Variants in YTHDF3 observed in about 807,000 individuals in gnomAD.
YTHDF3 encodes the protein YTH N6-methyladenosine RNA binding protein F3.
A neutral mutation model predicts 52.5 loss-of-function variants in YTHDF3; 9 were observed. That is an observed-to-expected ratio of 0.17 (90% CI 0.10 to 0.30). The LOEUF is 0.30. Among genes scored for constraint, YTHDF3 ranks in the 10% least tolerant of loss-of-function variants. The probability of loss-of-function intolerance (pLI) is 1.00; values close to 1 mark genes in which losing one functional copy is unlikely to be tolerated. For synonymous variants in YTHDF3, 274 were observed against 243.3 expected (o/e 1.13, Z -1.18); for missense variants, 534 against 715.0 (o/e 0.75, Z 2.89).
intron 2 of YTHDF3, among the ~76,000 whole-genome samples, chr8:63,171,352 C>T (rs767855069): frequency 6.6e-6 from 1 of 152,196 alleles, no homozygotes; most frequent in African/African-American, 2.4e-5. Flanking sequence ...CAGTAGTTCA[C>T]TGCTCTAGTA....
At chr8:63,190,478 C>T (rs945834343) in intron 4 of YTHDF3, among the ~76,000 whole-genome samples, 3 of 151,978 alleles carry the variant, frequency 2.0e-5, no homozygotes, top group African/African-American at 7.3e-5. Context: ...TAATATTACC[C>T]TTATATTGTT....
rs1191119358 is a variant in YTHDF3 at position 63,179,792 on chromosome 8, C to T, written c.135+4376C>T. Among the ~76,000 whole-genome samples, 7 of 152,026 alleles carry T rather than the reference C, an allele frequency of 4.6e-5. No homozygotes were observed. The East Asian group carries it at 7.8e-4, about 17-fold the overall frequency. ...GGGGCTCCTCACTTCCCAGTAGGGG[C>T]GGCCGGGCAGAGGTGCCCCTCACCT... is the stretch of plus-strand genomic sequence containing the variant. On this transcript the variant is annotated intron_variant, in intron 3 of 4. Coordinates refer to ENST00000539294, the MANE Select transcript of YTHDF3 (RefSeq NM_152758.6).
At chr8:63,182,298 T>G (rs1487305749) in intron 3 of YTHDF3, among the ~76,000 whole-genome samples, 1 of 149,158 alleles carries the variant, frequency 6.7e-6, no homozygotes, top group Non-Finnish European at 1.5e-5. Context: ...CTTGAACTCC[T>G]GGACTCAATT....
chr8:63,186,424 C>T lies in YTHDF3; in HGVS notation c.413C>T (p.Thr138Ile). 6.2e-7 allele frequency: 1 copy of T among 1,613,982 alleles called. No individual in the cohort carries two copies. Among genetic ancestry groups the T allele is most frequent in the Non-Finnish European group, 8.5e-7 (1 of 1,179,890 alleles). ...PGNADFSTWG[T>I]SGSQGQSTQS... ...AATGCTGATTTCTCTACATGGGGGA[C>T]AAGTGGATCTCAGGGACAATCAACA... The change falls in exon 4 of 5, where the codon ACA (threonine) becomes ATA (isoleucine). Residue 138 changes from threonine to isoleucine, a missense_variant. Thr to Ile is a moderately conservative substitution (Grantham distance 89, BLOSUM62 -1). Coordinates refer to ENST00000539294, the MANE Select transcript of YTHDF3 (RefSeq NM_152758.6).
chr8:63,186,967 C>T lies in YTHDF3; in HGVS notation c.956C>T (p.Pro319Leu). The change falls in exon 4 of 5, where the codon CCT becomes CTT. Residue 319 changes from proline to leucine, a missense_variant. Coordinates refer to ENST00000539294, the MANE Select transcript of YTHDF3 (RefSeq NM_152758.6). ...QPPPLVQSQL[P>L]QQQPQPPQPQ... is the part of the protein sequence containing the mutation. The stretch of plus-strand genomic sequence containing the variant: ...CCACCATTGGTGCAAAGCCAACTGC[C>T]TCAACAGCAGCCTCAACCACCACAA... The T allele has an allele frequency of 1.9e-6, 3 of 1,613,804 alleles. No homozygotes were observed. Among genetic ancestry groups the T allele is most frequent in the Non-Finnish European group, 2.5e-6 (3 of 1,179,806 alleles).
At chr8:63,204,551 G>A (rs1427020330) in intron 4 of YTHDF3, among the ~76,000 whole-genome samples, 1 of 151,924 alleles carries the variant, frequency 6.6e-6, no homozygotes, top group African/African-American at 2.4e-5. Flanking sequence ...TAGTAGAGAC[G>A]GGGTTTCTCC....
At chr8:63,169,019 C>G in intron 1 of YTHDF3, 118 bp downstream of exon 1, 1 of 1,469,140 alleles carries the variant, frequency 6.8e-7, no homozygotes, top group East Asian at 2.7e-5. Flanking sequence ...GTGCCCCGGG[C>G]GCAAGTTGCT....
intron 3 of YTHDF3, 84 bp from the exon 4 acceptor site, chr8:63,186,063 C>G (rs1299653706): frequency 7.4e-7 from 1 of 1,343,878 alleles, no homozygotes; most frequent in Non-Finnish European, 1.0e-6. Flanking sequence ...TTACTTAAAA[C>G]TTCTTGATTT....
At chr8:63,176,279 CTTAT>C (rs1173169375) in intron 3 of YTHDF3, among the ~76,000 whole-genome samples, 1 of 152,136 alleles carries the variant, frequency 6.6e-6, no homozygotes, top group East Asian at 1.9e-4. Context: ...TTCTGTAGTT[CTTAT>C]TTATTTATTT....
rs11556259 is a variant in YTHDF3 at position 63,211,126 on chromosome 8, C to A, written c.*1420C>A. On this transcript the variant is annotated 3_prime_UTR_variant, in exon 5 of 5. Coordinates refer to ENST00000539294, the MANE Select transcript of YTHDF3 (RefSeq NM_152758.6). ...CATTTACTGTGGTCTTTGGTCACTT[C>A]AGCTCAAAGACCTAGTGATGGATAT... The A allele has an allele frequency of 2.0e-5, 3 of 152,498 alleles. No individual in the cohort carries two copies. Among genetic ancestry groups the A allele is most frequent in the Non-Finnish European group, 4.4e-5 (3 of 67,966 alleles). 9.4% of individuals were successfully genotyped at this position (152,498 alleles called of 1,614,324 possible). A position where few individuals can be genotyped will look rare whatever the true frequency, so the allele number is the denominator to read the frequency against.
chr8:63,186,944 A>G lies in YTHDF3; in HGVS notation c.933A>G (p.Pro311=). The part of the protein sequence containing the change: ...IQQPQPLIQP[P]PLVQSQLPQQ... ...AGCCTCAGCCATTAATTCAACCACC[A>G]CCATTGGTGCAAAGCCAACTGCCTC... Residue 311 remains proline (P), a synonymous_variant, in exon 4 of 5, where the codon CCA becomes CCG. Transcript: ENST00000539294. 6.2e-7 allele frequency: 1 copy of G among 1,613,766 alleles called. No individual in the cohort carries two copies. Among genetic ancestry groups the G allele is most frequent in the Non-Finnish European group, 8.5e-7 (1 of 1,179,810 alleles).
intron 3 of YTHDF3, among the ~76,000 whole-genome samples, chr8:63,178,162 C>T (rs879366741): frequency 6.6e-6 from 1 of 152,118 alleles, no homozygotes; most frequent in Non-Finnish European, 1.5e-5. Context: ...AGATATTTTA[C>T]AATTCTTTAT....
chr8:63,188,173 G>T (rs1808652818), intron 4 of YTHDF3, among the ~76,000 whole-genome samples: 1 of 151,904 alleles, frequency 6.6e-6, no homozygotes, highest in South Asian at 2.1e-4. Context: ...GCCCAGGCTG[G>T]AGTGCAGTGG....
At chr8:63,205,454 G>T (rs1309378122) in intron 4 of YTHDF3, among the ~76,000 whole-genome samples, 2 of 140,962 alleles carry the variant, frequency 1.4e-5, no homozygotes, top group Non-Finnish European at 1.5e-5. Context: ...TTTTTTTTGA[G>T]ATGGGGTCTG....
Position 63,187,566 on chromosome 8 carries a change from A to G in YTHDF3, c.1555A>G (p.Ile519Val). The G allele has an allele frequency of 6.2e-7, 1 of 1,613,908 alleles. No individual in the cohort carries two copies. Among genetic ancestry groups the G allele is most frequent in the Non-Finnish European group, 8.5e-7 (1 of 1,179,826 alleles). ...KDVPNNQLRH[I>V]RLENNDNKPV... ...TGTTCCCAATAACCAATTACGGCAT[A>G]TTCGCTTAGAAAATAATGACAACAA... is the stretch of plus-strand genomic sequence containing the variant. Residue 519 changes from isoleucine to valine, a missense_variant, in exon 4 of 5, where the codon ATT becomes GTT. Physicochemically the swap from Ile to Val is conservative, Grantham distance 29. This residue lies in a region of YTHDF3 where 135 missense variants were observed against 214.2 expected (regional missense o/e 0.63). Transcript: ENST00000539294.
chr8:63,168,788 C>T lies in YTHDF3; in HGVS notation c.-90C>T. The T allele has an allele frequency of 1.9e-6, 3 of 1,547,572 alleles. No homozygotes were observed. Among genetic ancestry groups the T allele is most frequent in the Middle Eastern group, 1.7e-4 (1 of 5,896 alleles). ...GCAGCGGCGGCGGCTGGAACAATCA[C>T]TCGGCCAAGGGCGACAGCCAACTGC... On this transcript the variant is annotated 5_prime_UTR_variant, in exon 1 of 5. Transcript: ENST00000539294.
At chr8:63,174,032 A>C (rs912878967) in intron 2 of YTHDF3, among the ~76,000 whole-genome samples, 1 of 152,162 alleles carries the variant, frequency 6.6e-6, no homozygotes, top group Non-Finnish European at 1.5e-5. Context: ...CTTTGCTCCC[A>C]AGCCACTGTT....
intron 4 of YTHDF3, among the ~76,000 whole-genome samples, chr8:63,200,395 A>T (rs938547933): frequency 5.3e-5 from 8 of 151,774 alleles, no homozygotes; most frequent in East Asian, 3.9e-4. Flanking sequence ...ATTTTTTTTT[A>T]AATTTTTAAA....
chr8:63,187,138 G>T lies in YTHDF3; in HGVS notation c.1127G>T (p.Gly376Val). ...QNNGAGSENFGLGVVPVSASP... is the reference protein window; with the variant it reads ...QNNGAGSENFVLGVVPVSASP... Reference sequence around the variant, plus strand: ...AATGGAGCGGGCAGTGAAAACTTTGGTTTAGGTGTTGTACCTGTCAGTGCT... The same window carrying T: ...AATGGAGCGGGCAGTGAAAACTTTGTTTTAGGTGTTGTACCTGTCAGTGCT... Residue 376 changes from glycine to valine, a missense_variant, in exon 4 of 5, where the codon GGT (glycine) becomes GTT (valine). Transcript: ENST00000539294. 1.2e-6 allele frequency: 2 copies of T among 1,613,954 alleles called. No individual in the cohort carries two copies. The highest frequency in any genetic ancestry group is 1.7e-6 in the Non-Finnish European group (2 of 1,179,868).
Sources: allele counts gnomAD v4.1 joint callset (sites outside exome capture counted in the v4.1 genomes callset), GRCh38; gene constraint gnomAD v4.1.1; regional missense constraint gnomAD v4.1.1; transcripts MANE v1.5; gene names NCBI Gene and HGNC (gene_info 2026-07-23, HGNC 2026-07-21).